Variants in IYD observed in about 807,000 individuals in gnomAD.
The protein encoded by IYD is iodotyrosine deiodinase 1.
In IYD, 25 loss-of-function variants were observed where a neutral mutation model predicts 28.4. That is an observed-to-expected ratio of 0.88 (90% confidence interval 0.64 to 1.23). The LOEUF (loss-of-function observed/expected upper bound fraction) is 1.23. IYD is among the 50% of genes most tolerant of loss of function. The pLI is 0.00. For missense variants in IYD, 352 were observed against 357.9 expected (o/e 0.98, Z 0.13); for synonymous variants, 140 against 130.8 (o/e 1.07, Z -0.48).
Position 150,369,062 on chromosome 6 carries a change from A to G in IYD, c.31A>G (p.Ile11Val). The G allele has an allele frequency of 1.2e-6, 2 of 1,614,032 alleles. No individual in the cohort carries two copies. The highest frequency in any genetic ancestry group is 1.7e-6 in the Non-Finnish European group (2 of 1,179,982). Residue 11 changes from isoleucine (I) to valine (V), a missense_variant, in exon 1 of 5, where the codon ATT becomes GTT. Coordinates refer to ENST00000344419, the MANE Select transcript of IYD (RefSeq NM_203395.3). Reference protein sequence around the residue: MYFLTPILVAILCILVVWIFK... With the variant: MYFLTPILVAVLCILVVWIFK... ...TTTCCTGACTCCCATCTTGGTAGCC[A>G]TTCTCTGCATTTTGGTTGTGTGGAT... is the stretch of plus-strand genomic sequence containing the variant.
In IYD at chr6:150,369,220, C is replaced by T; in HGVS notation, c.178+11C>T. 1 of 1,610,332 alleles carries T rather than the reference C, an allele frequency of 6.2e-7. No homozygotes were observed. The highest frequency in any genetic ancestry group is 8.5e-7 in the Non-Finnish European group (1 of 1,179,376). On this transcript the variant is annotated intron_variant, in intron 1 of 4. Transcript: ENST00000344419. ...ACCAAGCAGAAGAAGGTAAAGACAC[C>T]AGCTATGCTGCTTAGCTTCGCTGTC...
At chr6:150,383,563 A>G (rs1777732485) in intron 1 of IYD, among the ~76,000 whole-genome samples, 1 of 152,172 alleles carries the variant, frequency 6.6e-6, no homozygotes. Context: ...CGTTCATAAA[A>G]ATTCTCTAAT....
chr6:150,384,047 T>A (rs1405748182), intron 1 of IYD, among the ~76,000 whole-genome samples: 1 of 152,158 alleles, frequency 6.6e-6, no homozygotes, highest in Non-Finnish European at 1.5e-5. Flanking sequence ...ATTTAGGTAG[T>A]ACAATAATGA....
chr6:150,384,035 C>A (rs1777766217), intron 1 of IYD, among the ~76,000 whole-genome samples: 1 of 152,026 alleles, frequency 6.6e-6, no homozygotes, highest in Admixed American at 6.6e-5. Context: ...CCTAAAGACA[C>A]AATTTAGGTA....
In IYD at chr6:150,402,330, G is replaced by A. The variant is rs1471676463; in HGVS notation, c.*4093G>A. 1 of 152,154 alleles carries A rather than the reference G, an allele frequency of 6.6e-6. No individual in the cohort carries two copies. The highest frequency in any genetic ancestry group is 1.5e-5 in the Non-Finnish European group (1 of 68,024). 9.4% of individuals were successfully genotyped at this position (152,154 alleles called of 1,614,324 possible). On this transcript the variant is annotated 3_prime_UTR_variant, in exon 5 of 5. Transcript: ENST00000344419. ...TTCCATCGTACCTTGGCCTAGGAGT[G>A]ACCTCCTCAGTCTCACAACCCTTTG...
chr6:150,403,950 T>TA lies in IYD; in HGVS notation c.*5718dup, dbSNP rs397768020. The TA allele has an allele frequency of 6.6e-6, 1 of 151,954 alleles. No individual in the cohort carries two copies. The highest frequency in any genetic ancestry group is 1.5e-5 in the Non-Finnish European group (1 of 67,998). The allele number at this position is 151,954 out of a possible 1,614,324, so 9.4% of individuals were successfully genotyped here. A position where few individuals can be genotyped will look rare whatever the true frequency, so the allele number is the denominator to read the frequency against. On this transcript the variant is annotated 3_prime_UTR_variant, in exon 5 of 5. Transcript: ENST00000344419. ...GCCAACTTCCTTCTACTCTAATAATTAAAAATAAAAATAATACTTGGGAGG... is the reference window on the plus strand; with the variant it reads ...GCCAACTTCCTTCTACTCTAATAATTAAAAAATAAAAATAATACTTGGGAGG...
At position 150,400,645 on chromosome 6, in the gene IYD, G is replaced by A. The variant is rs889177003; in HGVS notation, c.*2408G>A. The A allele has an allele frequency of 6.6e-6, 1 of 152,174 alleles. No individual in the cohort carries two copies. The highest frequency in any genetic ancestry group is 2.4e-5 in the African/African-American group (1 of 41,438). 9.4% of individuals were successfully genotyped at this position (152,174 alleles called of 1,614,324 possible). A position where few individuals can be genotyped will look rare whatever the true frequency, so the allele number is the denominator to read the frequency against. The stretch of plus-strand genomic sequence containing the variant: ...AGTGTCACTGTGGGAAGAATAAGAG[G>A]GGGACTGTCTTGTCCTTGCTACTCA... On this transcript the variant is annotated 3_prime_UTR_variant, in exon 5 of 5. Coordinates refer to ENST00000344419, the MANE Select transcript of IYD (RefSeq NM_203395.3).
At chr6:150,383,170 G>C (rs796848855) in intron 1 of IYD, among the ~76,000 whole-genome samples, 2 of 152,144 alleles carry the variant, frequency 1.3e-5, no homozygotes, top group South Asian at 4.1e-4. Context: ...TGGTTCCCTG[G>C]ATCACTCAGA....
chr6:150,370,224 C>CGTGT (rs376701812), intron 1 of IYD, among the ~76,000 whole-genome samples: 12,008 of 150,208 alleles, frequency 0.08, 765 homozygotes, highest in East Asian at 0.26. Flanking sequence ...TGTGCGCGTG[C>CGTGT]GTGTGTGTGT....
chr6:150,379,857 C>T (rs1028587816), intron 1 of IYD, among the ~76,000 whole-genome samples: 1 of 152,172 alleles, frequency 6.6e-6, no homozygotes, highest in African/African-American at 2.4e-5. Context: ...CCTACACCTC[C>T]CATCTCCTCT....
chr6:150,389,237 T>C, intron 1 of IYD, 115 bp from the exon 2 acceptor site: 2 of 723,340 alleles, frequency 2.8e-6, no homozygotes, highest in East Asian at 5.4e-5. Flanking sequence ...CATTTTATAG[T>C]ATTTTTTTGA....
intron 1 of IYD, among the ~76,000 whole-genome samples, chr6:150,374,562 C>T (rs1332671144): frequency 1.3e-5 from 2 of 152,150 alleles, no homozygotes; most frequent in African/African-American, 2.4e-5. Context: ...GAGAATCAAG[C>T]GAAAGGGGCT....
At chr6:150,382,707 C>T (rs1379170842) in intron 1 of IYD, among the ~76,000 whole-genome samples, 1 of 152,212 alleles carries the variant, frequency 6.6e-6, no homozygotes, top group African/African-American at 2.4e-5. Flanking sequence ...CCTATTGATT[C>T]ATTTCCTCTT....
chr6:150,378,804 G>T (rs1409840729), intron 1 of IYD, among the ~76,000 whole-genome samples: 1 of 152,124 alleles, frequency 6.6e-6, no homozygotes, highest in Non-Finnish European at 1.5e-5. Flanking sequence ...TATACCCAAA[G>T]GACTATAAAT....
chr6:150,381,857 T>G (rs1777657833), intron 1 of IYD, among the ~76,000 whole-genome samples: 1 of 152,258 alleles, frequency 6.6e-6, no homozygotes, highest in South Asian at 2.1e-4. Flanking sequence ...TTCTGTTATA[T>G]GACTATATCA....
intron 4 of IYD, among the ~76,000 whole-genome samples, chr6:150,394,736 G>A (rs909812690): frequency 6.6e-6 from 1 of 152,194 alleles, no homozygotes; most frequent in South Asian, 2.1e-4. Context: ...CGAGAGCAAT[G>A]CTAACATGAA....
At chr6:150,389,650 G>A in intron 2 of IYD, 107 bp downstream of exon 2, 1 of 1,010,048 alleles carries the variant, frequency 9.9e-7, no homozygotes, top group Non-Finnish European at 1.6e-6. Flanking sequence ...AGCCTAGAGT[G>A]ATATGTTTAT....
rs73617694 is a variant in IYD at position 150,395,476 on chromosome 6, C to T, written c.687+1221C>T. The T allele has an allele frequency of 2.8e-3, 4,338 of 1,536,886 alleles. 113 individuals are homozygous for T. In the African/African-American group the frequency reaches 0.053, roughly 19 times the overall value. Reference sequence around the variant, plus strand: ...GCAGGTAAATAATGGAATCACCATGCGGCATCAGACTGCGAGGCACCGCCA... The same window carrying T: ...GCAGGTAAATAATGGAATCACCATGTGGCATCAGACTGCGAGGCACCGCCA... On this transcript the variant is annotated intron_variant, in intron 4 of 4. Coordinates refer to ENST00000344419, the MANE Select transcript of IYD (RefSeq NM_203395.3).
chr6:150,398,030 A>G (rs1234374239), intron 4 of IYD, 25 bp from the exon 5 acceptor site: 1 of 1,612,424 alleles, frequency 6.2e-7, no homozygotes, highest in Non-Finnish European at 8.5e-7. Flanking sequence ...TGACTTTAAA[A>G]TGCTTTCTTG....
Sources: allele counts gnomAD v4.1 joint callset (sites outside exome capture counted in the v4.1 genomes callset), GRCh38; gene constraint gnomAD v4.1.1; transcripts MANE v1.5; gene names NCBI Gene and HGNC (gene_info 2026-07-23, HGNC 2026-07-21).